Variants in DLGAP2 observed in about 807,000 individuals in gnomAD.
The protein encoded by DLGAP2 is DLG associated protein 2, also known as disks large-associated protein 2.
Under a neutral mutation model 100.3 loss-of-function variants are expected in DLGAP2, and 26 were observed. That is an observed-to-expected ratio of 0.26 (90% CI 0.19 to 0.36). The LOEUF (loss-of-function observed/expected upper bound fraction) is 0.36, where lower values mean the gene tolerates loss of function less well. Ranked by LOEUF, DLGAP2 falls within the 10% of genes least tolerant of loss-of-function variation. The pLI is 1.00. For synonymous variants in DLGAP2, 886 were observed against 630.1 expected (o/e 1.41, Z -6.08); for missense variants, 1,858 against 1,453.2 (o/e 1.28, Z -4.53).
At chr8:1,606,919 G>A (rs996478507) in intron 6 of DLGAP2, among the ~76,000 whole-genome samples, 12 of 152,122 alleles carry the variant, frequency 7.9e-5, no homozygotes, top group African/African-American at 2.2e-4. Context: ...TCCTAAGCTC[G>A]AGAGATCCAC....
At chr8:1,668,760 G>A (rs544837213) in intron 9 of DLGAP2, 82 bp downstream of exon 9, 99 of 1,275,630 alleles carry the variant, frequency 7.8e-5, no homozygotes, top group South Asian at 1.1e-4. Context: ...CCCAACCAGC[G>A]GCCCTGGGTC....
intron 1 of DLGAP2, among the ~76,000 whole-genome samples, chr8:793,953 C>G (rs529226765): frequency 6.6e-6 from 1 of 152,286 alleles, no homozygotes; most frequent in East Asian, 1.9e-4. Context: ...TGCCATACGA[C>G]TCCAGGCATC....
chr8:1,012,818 C>G (rs1188408185), intron 2 of DLGAP2, among the ~76,000 whole-genome samples: 2 of 151,514 alleles, frequency 1.3e-5, no homozygotes, highest in African/African-American at 4.9e-5. Flanking sequence ...CAGCCCCCTA[C>G]TTTCCAGTGT....
At chr8:1,664,648 G>GGGTTTTCCATAT (rs1798498917) in intron 8 of DLGAP2, among the ~76,000 whole-genome samples, 1 of 152,194 alleles carries the variant, frequency 6.6e-6, no homozygotes, top group Admixed American at 6.5e-5. Context: ...AAACCCATAT[G>GGGTTTTCCATAT]GTAACAGCAA....
intron 2 of DLGAP2, chr8:1,246,758 C>A (rs917714945): frequency 6.6e-6 from 1 of 152,370 alleles, no homozygotes; most frequent in Non-Finnish European, 1.5e-5. Flanking sequence ...GCCCTGACAC[C>A]CGTGCAGATG....
chr8:769,449 G>A (rs1290550866), intron 1 of DLGAP2, among the ~76,000 whole-genome samples: 2 of 152,010 alleles, frequency 1.3e-5, no homozygotes, highest in African/African-American at 2.4e-5. Flanking sequence ...CAGGAAAAAG[G>A]GACAAACTAT....
intron 1 of DLGAP2, among the ~76,000 whole-genome samples, chr8:775,096 A>C (rs1821478585): frequency 3.3e-5 from 5 of 152,036 alleles, no homozygotes; most frequent in Admixed American, 2.0e-4. Flanking sequence ...TAGGTATTTT[A>C]TTCTCTTTGA....
chr8:1,233,605 G>A (rs538814068), intron 2 of DLGAP2, among the ~76,000 whole-genome samples: 3 of 152,104 alleles, frequency 2.0e-5, no homozygotes, highest in East Asian at 1.9e-4. Context: ...ACTCAGTCTC[G>A]GAGCTGCCCA....
At chr8:808,558 T>C (rs2132666729) in intron 1 of DLGAP2, among the ~76,000 whole-genome samples, 1 of 152,250 alleles carries the variant, frequency 6.6e-6, no homozygotes, top group South Asian at 2.1e-4. Flanking sequence ...AGGGTGGGGT[T>C]GGTGCCTCTA....
At chr8:1,274,898 A>G (rs1196170706) in intron 3 of DLGAP2, among the ~76,000 whole-genome samples, 1 of 152,022 alleles carries the variant, frequency 6.6e-6, no homozygotes, top group South Asian at 2.1e-4. Context: ...CTTTATGAAT[A>G]TTCCTTGTAG....
chr8:919,906 G>A (rs1305630061), intron 2 of DLGAP2, among the ~76,000 whole-genome samples: 1 of 152,184 alleles, frequency 6.6e-6, no homozygotes, highest in Non-Finnish European at 1.5e-5. Context: ...AACCTGGGTA[G>A]CAGTTTTAAT....
intron 2 of DLGAP2, among the ~76,000 whole-genome samples, chr8:1,200,293 C>T (rs7015948): frequency 6.6e-6 from 1 of 151,972 alleles, no homozygotes; most frequent in South Asian, 2.1e-4. Flanking sequence ...GCCTCTTGCT[C>T]CGGGGTCCTG....
At chr8:1,362,976 G>A (rs1802019909) in intron 3 of DLGAP2, among the ~76,000 whole-genome samples, 1 of 152,196 alleles carries the variant, frequency 6.6e-6, no homozygotes, top group Non-Finnish European at 1.5e-5. Context: ...AGGGCCTGGG[G>A]CAGCCATGGA....
intron 1 of DLGAP2, among the ~76,000 whole-genome samples, chr8:764,401 C>G (rs1821158825): frequency 6.6e-6 from 1 of 152,172 alleles, no homozygotes. Context: ...GAAATGAGAT[C>G]AAAACTTACA....
At chr8:1,312,772 TATGCTC>T (rs1469888815) in intron 3 of DLGAP2, among the ~76,000 whole-genome samples, 1 of 152,194 alleles carries the variant, frequency 6.6e-6, no homozygotes, top group African/African-American at 2.4e-5. Flanking sequence ...GAAGTGCCCA[TATGCTC>T]ACCAATGTGG....
rs575919931 is a variant in DLGAP2, at chr8:908,277, G to GT, written c.73+314dup. ...ACTTGAGTTTGTTGGTTTCAAAGTT[G>GT]TTTATTTTGCTAATTATACTTATTT... On this transcript the variant is annotated intron_variant, in intron 2 of 14. Transcript: ENST00000637795. Among the ~76,000 whole-genome samples, 72 of 152,284 alleles carry GT rather than the reference G, an allele frequency of 4.7e-4. 1 individual carries two copies. The Middle Eastern group carries it at 0.014, about 29-fold the overall frequency.
At chr8:1,429,997 C>CAT (rs1361890198) in intron 3 of DLGAP2, among the ~76,000 whole-genome samples, 281 of 19,592 alleles carry the variant, frequency 0.014, 16 homozygotes, top group South Asian at 0.032. Flanking sequence ...GGGAGAGATG[C>CAT]ATATATATAC....
chr8:1,465,539 C>G (rs1798602874), intron 3 of DLGAP2, among the ~76,000 whole-genome samples: 1 of 152,156 alleles, frequency 6.6e-6, no homozygotes, highest in African/African-American at 2.4e-5. Context: ...AAGAGATGAG[C>G]AAGGGAAGGG....
chr8:850,908 ACT>A (rs1325273437), intron 1 of DLGAP2, among the ~76,000 whole-genome samples: 4 of 151,998 alleles, frequency 2.6e-5, no homozygotes, highest in African/African-American at 7.3e-5. Context: ...ATTGTCTTTC[ACT>A]CTCTCTGTTT....
Sources: gnomAD v4.1 joint callset for allele counts (sites outside exome capture counted in the v4.1 genomes callset) on GRCh38, gnomAD v4.1.1 for gene constraint, MANE v1.5 for transcripts, NCBI Gene and HGNC (gene_info 2026-07-23, HGNC 2026-07-21) for gene names.